Variants in FAM135B observed in about 807,000 individuals in gnomAD.
FAM135B encodes family with sequence similarity 135 member B.
In FAM135B, 43 loss-of-function variants were observed where a neutral mutation model predicts 127.7. The ratio of observed to expected loss-of-function variants is 0.34; its 90% CI spans 0.26 to 0.43. The LOEUF (loss-of-function observed/expected upper bound fraction) is 0.43. Among genes scored for constraint, FAM135B ranks in the 20% least tolerant of loss-of-function variants. The pLI is 1.00. For missense variants in FAM135B, 1,558 were observed against 1,725.6 expected (o/e 0.90, Z 1.72); for synonymous variants, 670 against 665.1 (o/e 1.01, Z -0.11).
chr8:138,361,670 A>G (rs1369035585), intron 2 of FAM135B, among the ~76,000 whole-genome samples: 2 of 152,186 alleles, frequency 1.3e-5, no homozygotes, highest in Non-Finnish European at 2.9e-5. Context: ...GCTGCAATAA[A>G]TAAATTCATA....
chr8:138,402,379 T>C (rs1177223124), intron 1 of FAM135B, among the ~76,000 whole-genome samples: 1 of 152,202 alleles, frequency 6.6e-6, no homozygotes, highest in Non-Finnish European at 1.5e-5. Context: ...TTTCTGATTC[T>C]GTGCTCAGCT....
At chr8:138,390,101 C>A (rs1832459170) in intron 1 of FAM135B, among the ~76,000 whole-genome samples, 1 of 152,092 alleles carries the variant, frequency 6.6e-6, no homozygotes, top group East Asian at 1.9e-4. Flanking sequence ...AAAATATGAC[C>A]AATAATGGAA....
intron 1 of FAM135B, among the ~76,000 whole-genome samples, chr8:138,406,954 A>G (rs1833541470): frequency 6.6e-6 from 1 of 151,328 alleles, no homozygotes; most frequent in Admixed American, 6.6e-5. Context: ...TTAGGAAAAG[A>G]GGAAGTCAAA....
At chr8:138,303,147 G>A (rs1336595180) in intron 3 of FAM135B, among the ~76,000 whole-genome samples, 3 of 152,118 alleles carry the variant, frequency 2.0e-5, no homozygotes, top group African/African-American at 2.4e-5. Context: ...TGTGTTTATC[G>A]CAGCACTATT....
intron 1 of FAM135B, among the ~76,000 whole-genome samples, chr8:138,369,742 C>A (rs1830997112): frequency 6.6e-6 from 1 of 152,140 alleles, no homozygotes; most frequent in Non-Finnish European, 1.5e-5. Flanking sequence ...GATGGAGGGG[C>A]AAGCAAATGG....
At position 138,132,470 on chromosome 8, in the gene FAM135B, G is replaced by A. The variant is rs1159578567; in HGVS notation, c.*123C>T. The A allele has an allele frequency of 5.4e-5, 42 of 782,916 alleles. No individual in the cohort carries two copies. The Middle Eastern group carries it at 7.5e-4, about 14-fold the overall frequency. 48.5% of individuals were successfully genotyped at this position (782,916 alleles called of 1,614,324 possible). A position where few individuals can be genotyped will look rare whatever the true frequency, so the allele number is the denominator to read the frequency against. On this transcript the variant is annotated 3_prime_UTR_variant, in exon 20 of 20. Transcript: ENST00000395297. This position sits in a 1 kb window ranked among gnomAD's most constrained non-coding sequence, Gnocchi z 4.5. ...GCACCTCTCATGTCAGGTTCCACCC[G>A]AGCCTCCGTCCCCCAATGCTGTTGA...
chr8:138,431,979 T>A (rs1397856878), intron 1 of FAM135B, among the ~76,000 whole-genome samples: 1 of 152,184 alleles, frequency 6.6e-6, no homozygotes, highest in African/African-American at 2.4e-5. Flanking sequence ...CCAGACTTCA[T>A]CAGCCAGAAG....
At chr8:138,491,142 C>CAAA (rs796189435) in intron 1 of FAM135B, among the ~76,000 whole-genome samples, 12 of 73,736 alleles carry the variant, frequency 1.6e-4, no homozygotes, top group African/African-American at 4.5e-4. Flanking sequence ...AACTCTCTCT[C>CAAA]AAAAAAAAAA....
At chr8:138,491,563 G>A (rs1285725068) in intron 1 of FAM135B, among the ~76,000 whole-genome samples, 1 of 152,106 alleles carries the variant, frequency 6.6e-6, no homozygotes, top group African/African-American at 2.4e-5. Flanking sequence ...GTCAATGCTG[G>A]GACCAGCATC....
At chr8:138,188,966 C>T (rs1815846548) in intron 9 of FAM135B, among the ~76,000 whole-genome samples, 1 of 152,208 alleles carries the variant, frequency 6.6e-6, no homozygotes, top group Non-Finnish European at 1.5e-5. Flanking sequence ...GCAAGGGCCC[C>T]ACCCTCAGTC....
At chr8:138,427,214 G>A (rs1203250819) in intron 1 of FAM135B, among the ~76,000 whole-genome samples, 2 of 150,988 alleles carry the variant, frequency 1.3e-5, no homozygotes, top group Non-Finnish European at 3.0e-5. Flanking sequence ...GTGATATTCT[G>A]TTTCTTGATC....
intron 1 of FAM135B, among the ~76,000 whole-genome samples, chr8:138,495,655 C>T (rs1815362237): frequency 6.6e-6 from 1 of 152,186 alleles, no homozygotes; most frequent in African/African-American, 2.4e-5. Context: ...TATTCACATG[C>T]TATCTTCCTT....
intron 19 of FAM135B, among the ~76,000 whole-genome samples, chr8:138,136,886 C>T (rs1816709357): frequency 6.6e-6 from 1 of 152,194 alleles, no homozygotes; most frequent in African/African-American, 2.4e-5. Flanking sequence ...ATTATACATC[C>T]CAGTCATCAA....
intron 18 of FAM135B, 134 bp from the exon 19 acceptor site, chr8:138,137,394 A>T: frequency 1.5e-6 from 1 of 652,976 alleles, no homozygotes; most frequent in Non-Finnish European, 2.8e-6. Flanking sequence ...TAGTGTCATC[A>T]CACAAGGACA....
intron 2 of FAM135B, among the ~76,000 whole-genome samples, chr8:138,323,390 C>T (rs563502170): frequency 3.3e-5 from 5 of 152,304 alleles, no homozygotes. Flanking sequence ...CCCCTCTTGG[C>T]TAATGAAATA....
intron 1 of FAM135B, among the ~76,000 whole-genome samples, chr8:138,423,240 A>T (rs1449338804): frequency 1.3e-5 from 2 of 152,222 alleles, no homozygotes; most frequent in Non-Finnish European, 2.9e-5. Context: ...TATGTAAAAA[A>T]TCTGTACTTT....
rs1477227902 is a variant in FAM135B, at chr8:138,317,116, TA to T, written c.78-6197del. ...TTTAGAGAAGCTTTATCCACAATACTAAAAACTGAAACAACCCAGATGTCCT... is the reference window on the plus strand; with the variant it reads ...TTTAGAGAAGCTTTATCCACAATACTAAAACTGAAACAACCCAGATGTCCT... On this transcript the variant is annotated intron_variant, in intron 2 of 19. Transcript: ENST00000395297. Among the ~76,000 whole-genome samples the T allele has an allele frequency of 2.0e-5, 3 of 152,100 alleles. No individual in the cohort carries two copies. In the East Asian group the frequency reaches 5.8e-4, roughly 29 times the overall value.
intron 12 of FAM135B, among the ~76,000 whole-genome samples, chr8:138,162,928 T>G (rs1055537138): frequency 2.6e-5 from 4 of 152,192 alleles, no homozygotes; most frequent in Non-Finnish European, 4.4e-5. Flanking sequence ...AAAAAAAATT[T>G]TATCAGATTC....
intron 12 of FAM135B, among the ~76,000 whole-genome samples, chr8:138,162,490 A>G (rs1819499539): frequency 6.6e-6 from 1 of 152,230 alleles, no homozygotes; most frequent in Non-Finnish European, 1.5e-5. Flanking sequence ...CATCTGCTGT[A>G]ACAAAGGCAC....
Sources: gnomAD v4.1 joint callset for allele counts (sites outside exome capture counted in the v4.1 genomes callset) on GRCh38, gnomAD v4.1.1 for gene constraint, Gnocchi (gnomAD v3.1) non-coding constraint, MANE v1.5 for transcripts, NCBI Gene and HGNC (gene_info 2026-07-23, HGNC 2026-07-21) for gene names.